SH3TC2: variants seen among roughly 807,000 people sequenced by gnomAD.
SH3TC2 encodes the protein SH3 domain and tetratricopeptide repeat-containing protein 2.
Under a neutral mutation model 124.5 loss-of-function variants are expected in SH3TC2, and 87 were observed. The ratio of observed to expected loss-of-function variants is 0.70; its 90% CI spans 0.59 to 0.84. SH3TC2 has a LOEUF of 0.84. Ranked by LOEUF, SH3TC2 falls within the 40% of genes least tolerant of loss-of-function variation. SH3TC2 has a pLI of 0.00. For missense variants in SH3TC2, 1,536 were observed against 1,566.4 expected (o/e 0.98, Z 0.33); for synonymous variants, 634 against 628.5 (o/e 1.01, Z -0.13).
chr5:148,992,600 GTTTTTTTTTTT>G lies in SH3TC2; in HGVS notation c.*12100_*12110del, dbSNP rs35182601. Among the ~76,000 whole-genome samples the G allele has an allele frequency of 6.8e-5, 7 of 102,516 alleles. No homozygotes were observed. In the South Asian group the frequency reaches 1.5e-3, roughly 22 times the overall value. 67.3% of individuals were successfully genotyped at this position (102,516 alleles called of 152,430 possible). Reference sequence around the variant, plus strand: ...ATAATTCCAAGAAGAGATTTCATTGGTTTTTTTTTTTTTTTTTTTTTTCAGATTTTCGAAGG... The same window carrying G: ...ATAATTCCAAGAAGAGATTTCATTGGTTTTTTTTTTTCAGATTTTCGAAGG... On this transcript the variant is annotated 3_prime_UTR_variant, in exon 17 of 17. Transcript: ENST00000515425.
intron 12 of SH3TC2, among the ~76,000 whole-genome samples, chr5:149,017,030 T>C (rs552852603): frequency 1.2e-4 from 18 of 152,310 alleles, no homozygotes; most frequent in African/African-American, 3.8e-4. Flanking sequence ...ACCTATTATA[T>C]GCAAGGCATC....
At chr5:149,055,640 G>A (rs1000439556) in intron 1 of SH3TC2, among the ~76,000 whole-genome samples, 2 of 152,134 alleles carry the variant, frequency 1.3e-5, no homozygotes, top group African/African-American at 2.4e-5. Context: ...AATTCAAGCT[G>A]AAAATATGCA....
rs559851451 is a variant in SH3TC2, at chr5:149,018,905, C to A, written c.3054-6171G>T. On this transcript the variant is annotated intron_variant, in intron 12 of 16. Coordinates refer to ENST00000515425, the MANE Select transcript of SH3TC2 (RefSeq NM_024577.4). ...TGATAAAGTCTTCCCTGACAGATCA[C>A]CCCCATCCTTTGCTGAAAGCATTGT... Among the ~76,000 whole-genome samples the A allele has an allele frequency of 1.6e-4, 25 of 152,318 alleles. 1 individual carries two copies. The highest frequency in any genetic ancestry group is 1.0e-3 in the South Asian group (5 of 4,826).
chr5:149,026,287 TG>T lies in SH3TC2; in HGVS notation c.3053+284del, dbSNP rs562780203. ...ATCAGGCACAGTTATGAGTGTTTTATGAGCATTAACTCATTTATCCTTCACA... is the reference window on the plus strand; with the variant it reads ...ATCAGGCACAGTTATGAGTGTTTTATAGCATTAACTCATTTATCCTTCACA... On this transcript the variant is annotated intron_variant, in intron 12 of 16. Coordinates refer to ENST00000515425, the MANE Select transcript of SH3TC2 (RefSeq NM_024577.4). 119 of 460,266 alleles carry T rather than the reference TG, an allele frequency of 2.6e-4. 1 individual carries two copies. In the South Asian group the frequency reaches 2.7e-3, roughly 10 times the overall value. The allele number at this position is 460,266 out of a possible 1,614,324, so 28.5% of individuals were successfully genotyped here. A position where few individuals can be genotyped will look rare whatever the true frequency, so the allele number is the denominator to read the frequency against.
rs5872108 is a variant in SH3TC2 at position 149,023,583 on chromosome 5, C to CTTTTTTTTTTTTTTTT, written c.3053+2973_3053+2988dup. ...TATAACCTTCAATAATAGTGTAATC[C>CTTTTTTTTTTTTTTTT]TTTTTTTTTTTTTTTTTTGAGAGAC... On this transcript the variant is annotated intron_variant, in intron 12 of 16. Coordinates refer to ENST00000515425, the MANE Select transcript of SH3TC2 (RefSeq NM_024577.4). Among the ~76,000 whole-genome samples the CTTTTTTTTTTTTTTTT allele has an allele frequency of 3.0e-4, 32 of 107,216 alleles. 2 individuals are homozygous for CTTTTTTTTTTTTTTTT. The highest frequency in any genetic ancestry group is 3.8e-4 in the African/African-American group (10 of 26,502). The allele number at this position is 107,216 out of a possible 152,430, so 70.3% of individuals were successfully genotyped here.
intron 13 of SH3TC2, among the ~76,000 whole-genome samples, chr5:149,011,784 G>A (rs778376108): frequency 6.6e-6 from 1 of 151,766 alleles, no homozygotes; most frequent in African/African-American, 2.4e-5. Flanking sequence ...ACATGGGAAA[G>A]AAAAAAACCG....
At chr5:149,048,625 G>A (rs1456073736) in intron 2 of SH3TC2, among the ~76,000 whole-genome samples, 1 of 152,176 alleles carries the variant, frequency 6.6e-6, no homozygotes, top group African/African-American at 2.4e-5. Flanking sequence ...TAAGCCAGAA[G>A]CTGTTTTATG....
intron 6 of SH3TC2, 39 bp from the exon 7 acceptor site, chr5:149,040,716 A>AG (rs770135974): frequency 6.5e-7 from 1 of 1,531,526 alleles, no homozygotes; most frequent in African/African-American, 1.4e-5. Flanking sequence ...CACAGATTTC[A>AG]AAAAATTGCA....
Position 149,003,655 on chromosome 5 carries a change from T to G in SH3TC2, c.*1056A>C. 5.8e-6 allele frequency: 2 copies of G among 345,508 alleles called. No individual in the cohort carries two copies. The highest frequency in any genetic ancestry group is 1.2e-5 in the Non-Finnish European group (2 of 172,428). 21.4% of individuals were successfully genotyped at this position (345,508 alleles called of 1,614,324 possible). A position where few individuals can be genotyped will look rare whatever the true frequency, so the allele number is the denominator to read the frequency against. ...TCAGTGTGCTATGCAGTGATGTTATTAATAGAGATGCTTTGTAAAGCAGCT... is the reference window on the plus strand; with the variant it reads ...TCAGTGTGCTATGCAGTGATGTTATGAATAGAGATGCTTTGTAAAGCAGCT... On this transcript the variant is annotated 3_prime_UTR_variant, in exon 17 of 17. Coordinates refer to ENST00000515425, the MANE Select transcript of SH3TC2 (RefSeq NM_024577.4).
At chr5:149,005,475 A>G (rs1274611547) in intron 16 of SH3TC2, among the ~76,000 whole-genome samples, 1 of 152,196 alleles carries the variant, frequency 6.6e-6, no homozygotes, top group Non-Finnish European at 1.5e-5. Context: ...TGAGCCAGTA[A>G]GTTGCCTTTT....
At chr5:149,017,800 G>A (rs992352823) in intron 12 of SH3TC2, among the ~76,000 whole-genome samples, 2 of 152,116 alleles carry the variant, frequency 1.3e-5, no homozygotes, top group Admixed American at 6.5e-5. Context: ...TTAATAGCTG[G>A]GTGGACAGAA....
chr5:149,014,961 TG>T (rs1753846944), intron 12 of SH3TC2, among the ~76,000 whole-genome samples: 1 of 152,214 alleles, frequency 6.6e-6, no homozygotes, highest in Admixed American at 6.5e-5. Context: ...TTTACTGTCC[TG>T]GGATGCCCTT....
intron 2 of SH3TC2, among the ~76,000 whole-genome samples, chr5:149,051,540 G>T (rs529521301): frequency 6.6e-6 from 1 of 152,192 alleles, no homozygotes; most frequent in African/African-American, 2.4e-5. Context: ...CAGCCTCGAC[G>T]TCCCAGGCTC....
At chr5:149,005,000 GT>G in intron 16 of SH3TC2, 98 bp from the exon 17 acceptor site, 1 of 1,242,234 alleles carries the variant, frequency 8.1e-7, no homozygotes, top group Non-Finnish European at 1.1e-6. Context: ...TTTTTTGTTT[GT>G]TTGTTTGTTT....
intron 2 of SH3TC2, among the ~76,000 whole-genome samples, chr5:149,048,531 G>A (rs1754505881): frequency 6.6e-6 from 1 of 151,990 alleles, no homozygotes; most frequent in African/African-American, 2.4e-5. Context: ...TGTTTATCAG[G>A]GTAATTAGTT....
chr5:149,031,705 A>C lies in SH3TC2; in HGVS notation c.1002-18T>G, dbSNP rs1229719103. ...TCCTGCTCCTGCATCGGGGCAAAAA[A>C]CACAGAGACAGATTACTGCAAGGCT... On this transcript the variant is annotated intron_variant, in intron 8 of 16. Coordinates refer to ENST00000515425, the MANE Select transcript of SH3TC2 (RefSeq NM_024577.4). 1 of 1,613,696 alleles carries C rather than the reference A, an allele frequency of 6.2e-7. No homozygotes were observed. Among genetic ancestry groups the C allele is most frequent in the South Asian group, 1.1e-5 (1 of 91,050 alleles).
chr5:149,023,504 C>T lies in SH3TC2; in HGVS notation c.3053+3068G>A, dbSNP rs184128179. ...GTATTTAAAAATCTTTAAGTAGTTA[C>T]TTCAGGAAAGTATCAAGGAAAGGGA... On this transcript the variant is annotated intron_variant, in intron 12 of 16. Coordinates refer to ENST00000515425, the MANE Select transcript of SH3TC2 (RefSeq NM_024577.4). 1.8e-4 allele frequency among the ~76,000 whole-genome samples: 27 copies of T among 150,668 alleles called. No individual in the cohort carries two copies. The East Asian group carries it at 5.2e-3, about 29-fold the overall frequency.
chr5:149,052,196 T>C lies in SH3TC2; in HGVS notation c.97A>G (p.Ile33Val), dbSNP rs1371669233. Residue 33 changes from isoleucine to valine, a missense_variant, in exon 2 of 17, where the codon ATA becomes GTA. Ile to Val is a conservative substitution (Grantham distance 29, BLOSUM62 3). Transcript: ENST00000515425. ...TTTTCCTTGTATTCAGATGAGGCTA[T>C]ACACTCACTCGATACAGTTGGATCC... ...SKDPTVSSEC[I>V]ASSEYKEKCF... 1 of 1,613,746 alleles carries C rather than the reference T, an allele frequency of 6.2e-7. No homozygotes were observed. The highest frequency in any genetic ancestry group is 1.1e-5 in the South Asian group (1 of 91,080).
rs1394152369 is a variant in SH3TC2, at chr5:148,988,253, C to A, written c.*16458G>T. ...CTCCCATGGACATGAAAATCATTAT[C>A]AAAAATCCTACCCCAGATGGGAATG... On this transcript the variant is annotated 3_prime_UTR_variant, in exon 17 of 17. Coordinates refer to ENST00000515425, the MANE Select transcript of SH3TC2 (RefSeq NM_024577.4). Among the ~76,000 whole-genome samples the A allele has an allele frequency of 1.3e-5, 2 of 152,094 alleles. No homozygotes were observed. The highest frequency in any genetic ancestry group is 2.9e-5 in the Non-Finnish European group (2 of 68,020).
Sources: allele counts gnomAD v4.1 joint callset (sites outside exome capture counted in the v4.1 genomes callset), GRCh38; gene constraint gnomAD v4.1.1; transcripts MANE v1.5; gene names NCBI Gene and HGNC (gene_info 2026-07-23, HGNC 2026-07-21).